Variants in AVEN observed in about 807,000 individuals in gnomAD.
AVEN encodes the protein cell death regulator Aven.
A neutral mutation model predicts 38.1 loss-of-function variants in AVEN; 41 were observed. The ratio of observed to expected loss-of-function variants is 1.08; its 90% CI spans 0.84 to 1.40. The LOEUF (loss-of-function observed/expected upper bound fraction) is 1.40, where lower values mean the gene tolerates loss of function less well. Ranked by LOEUF, AVEN falls within the 40% of genes most tolerant of loss-of-function variation. AVEN has a pLI of 0.00. For synonymous variants in AVEN, 206 were observed against 171.8 expected (o/e 1.20, Z -1.56); for missense variants, 605 against 438.8 (o/e 1.38, Z -3.38).
At chr15:33,857,980 T>C, downstream of AVEN, 2 of 1,597,852 alleles carry the variant, frequency 1.3e-6, no homozygotes, top group Non-Finnish European at 8.5e-7. Flanking sequence ...ACCACCTCAC[T>C]GGGAAGAAGG....
At chr15:33,968,956 G>A (rs1895508932) in intron 2 of AVEN, 1 of 151,928 alleles carries the variant, frequency 6.6e-6, no homozygotes, top group South Asian at 2.1e-4. Flanking sequence ...CTATCCAAAT[G>A]GAGTCTTCAT....
chr15:33,912,735 C>T (rs545591800), intron 2 of AVEN, among the ~76,000 whole-genome samples: 1 of 152,278 alleles, frequency 6.6e-6, no homozygotes, highest in South Asian at 2.1e-4. Flanking sequence ...GACACTCATG[C>T]CCATTACACT....
chr15:33,864,234 T>C, downstream of AVEN: 4 of 1,486,904 alleles, frequency 2.7e-6, no homozygotes, highest in Non-Finnish European at 3.7e-6. Context: ...CTCCCTTTCC[T>C]AAATCTTGAG....
chr15:33,854,485 C>G, downstream of AVEN: 1 of 1,508,366 alleles, frequency 6.6e-7, no homozygotes. Flanking sequence ...AATTCTATAC[C>G]CCAGTTCAGG....
chr15:33,870,391 G>A (rs374290662), intron 4 of AVEN, among the ~76,000 whole-genome samples: 3 of 152,100 alleles, frequency 2.0e-5, no homozygotes, highest in African/African-American at 7.2e-5. Context: ...GGTCTTTCTC[G>A]TTTAAATGCC....
chr15:34,026,925 C>T (rs928909457), intron 1 of AVEN, among the ~76,000 whole-genome samples: 1 of 152,114 alleles, frequency 6.6e-6, no homozygotes, highest in Non-Finnish European at 1.5e-5. Context: ...TAAAGAGTGA[C>T]ATGATGTGTT....
At chr15:33,973,262 T>C (rs1895717216) in intron 2 of AVEN, among the ~76,000 whole-genome samples, 1 of 152,242 alleles carries the variant, frequency 6.6e-6, no homozygotes, top group Non-Finnish European at 1.5e-5. Context: ...AAGCCAGAGA[T>C]GATTTCCAGT....
chr15:33,852,978 A>T, the AVEN span: 1 of 1,380,976 alleles, frequency 7.2e-7, no homozygotes, highest in Non-Finnish European at 1.0e-6. Flanking sequence ...TCAAACTGAA[A>T]CGTTTCTTGA....
chr15:33,989,305 AGTTT>A (rs1896616419), intron 2 of AVEN, among the ~76,000 whole-genome samples: 2 of 152,306 alleles, frequency 1.3e-5, no homozygotes, highest in Non-Finnish European at 2.9e-5. Flanking sequence ...CTAACCCAAC[AGTTT>A]GTTTCTCTTC....
At chr15:33,925,814 T>C (rs775835490) in intron 2 of AVEN, among the ~76,000 whole-genome samples, 13 of 152,244 alleles carry the variant, frequency 8.5e-5, no homozygotes, top group Admixed American at 5.2e-4. Context: ...TTTATAATTA[T>C]ATTTTATTTA....
At position 33,866,529 on chromosome 15, in the gene AVEN, C is replaced by G; in HGVS notation, c.*84G>C. 1 of 953,168 alleles carries G rather than the reference C, an allele frequency of 1.0e-6. No individual in the cohort carries two copies. Among genetic ancestry groups the G allele is most frequent in the Non-Finnish European group, 1.7e-6 (1 of 605,914 alleles). 59.0% of individuals were successfully genotyped at this position (953,168 alleles called of 1,614,324 possible). Reference sequence around the variant, plus strand: ...CACTAGCTTGAGACATGCTTGTAAACTGGCTGGTCCTGAAGGACAGCCTTA... The same window carrying G: ...CACTAGCTTGAGACATGCTTGTAAAGTGGCTGGTCCTGAAGGACAGCCTTA... On this transcript the variant is annotated 3_prime_UTR_variant, in exon 6 of 6. Transcript: ENST00000306730.
intron 2 of AVEN, among the ~76,000 whole-genome samples, chr15:33,912,728 A>G (rs1892959746): frequency 6.6e-6 from 1 of 152,122 alleles, no homozygotes; most frequent in African/African-American, 2.4e-5. Flanking sequence ...GACATATGAC[A>G]CTCATGCCCA....
At chr15:33,957,784 T>C (rs1895013056) in intron 2 of AVEN, among the ~76,000 whole-genome samples, 1 of 151,124 alleles carries the variant, frequency 6.6e-6, no homozygotes, top group African/African-American at 2.4e-5. Context: ...AGTCCAGGAA[T>C]AGGCAAACTA....
chr15:34,047,478 G>A (rs1206025918), intron 5 of AVEN, among the ~76,000 whole-genome samples: 2 of 152,178 alleles, frequency 1.3e-5, no homozygotes, highest in African/African-American at 2.4e-5. Context: ...AGGGAGCCAA[G>A]CAGCATCTTT....
At chr15:33,963,256 A>G (rs989595827) in intron 2 of AVEN, among the ~76,000 whole-genome samples, 2 of 152,210 alleles carry the variant, frequency 1.3e-5, no homozygotes, top group African/African-American at 4.8e-5. Flanking sequence ...GTTAATCAGA[A>G]TATGTCCCTA....
At chr15:34,037,592 T>C (rs1899206731) in intron 1 of AVEN, among the ~76,000 whole-genome samples, 1 of 150,210 alleles carries the variant, frequency 6.7e-6, no homozygotes, top group Non-Finnish European at 1.5e-5. Flanking sequence ...AAATGTGATA[T>C]ATAGTGGGCA....
chr15:33,920,891 T>C (rs1893368982), intron 2 of AVEN, among the ~76,000 whole-genome samples: 1 of 152,070 alleles, frequency 6.6e-6, no homozygotes, highest in Non-Finnish European at 1.5e-5. Flanking sequence ...TACTCCTGCC[T>C]CAGCCCCCCA....
At chr15:33,978,008 G>C (rs1895959756) in intron 2 of AVEN, among the ~76,000 whole-genome samples, 1 of 146,182 alleles carries the variant, frequency 6.8e-6, no homozygotes, top group Non-Finnish European at 1.5e-5. Context: ...AAGAGAGGAA[G>C]GGAGGGAGGG....
intron 5 of AVEN, among the ~76,000 whole-genome samples, chr15:34,050,781 A>T (rs1899902243): frequency 3.3e-5 from 5 of 152,242 alleles, no homozygotes; most frequent in Admixed American, 2.0e-4. Context: ...TAAAGGGTTC[A>T]ATTCAACAAG....
Sources: gnomAD v4.1 joint callset for allele counts (sites outside exome capture counted in the v4.1 genomes callset) on GRCh38, gnomAD v4.1.1 for gene constraint, MANE v1.5 for transcripts, NCBI Gene and HGNC (gene_info 2026-07-23, HGNC 2026-07-21) for gene names.